The following RANBP2 variants were observed in gnomAD, a reference collection of about 807,000 sequenced individuals.
RANBP2 encodes the protein E3 SUMO-protein ligase RanBP2.
RANBP2 carries 57 observed loss-of-function variants against 303.6 expected under a neutral mutation model. That is an observed-to-expected ratio of 0.19 (90% CI 0.15 to 0.23). The LOEUF (loss-of-function observed/expected upper bound fraction) is 0.23. Ranked by LOEUF, RANBP2 falls within the 10% of genes least tolerant of loss-of-function variation. The pLI is 1.00. For missense variants in RANBP2, 3,138 were observed against 3,780.8 expected, an observed-to-expected ratio of 0.83 and a Z score of 4.46; for synonymous variants, 1,167 against 1,301.5, an observed-to-expected ratio of 0.90 and a Z score of 2.23.
chr2:109,261,021 G>A, the RANBP2 span, among the ~76,000 whole-genome samples: 1 of 152,182 alleles, frequency 6.6e-6, no homozygotes, highest in Non-Finnish European at 1.5e-5. Context: ...CCTTTAGAGG[G>A]CACTGTGTCT....
At chr2:109,353,603 C>T in the RANBP2 span, among the ~76,000 whole-genome samples, 5 of 152,246 alleles carry the variant, frequency 3.3e-5, no homozygotes, top group South Asian at 1.0e-3. Flanking sequence ...GCTGGCAGGC[C>T]TGCTGGGTGA....
At chr2:108,951,613 C>T in the RANBP2 span, among the ~76,000 whole-genome samples, 1 of 152,236 alleles carries the variant, frequency 6.6e-6, no homozygotes, top group East Asian at 1.9e-4. Flanking sequence ...ATATGGTTTA[C>T]AGGGAAGGGC....
chr2:109,401,974 C>A, the RANBP2 span, among the ~76,000 whole-genome samples: 1 of 152,214 alleles, frequency 6.6e-6, no homozygotes, highest in South Asian at 2.1e-4. Flanking sequence ...CATGGCCAGG[C>A]TACTGACTTT....
At chr2:109,012,723 G>A in the RANBP2 span, among the ~76,000 whole-genome samples, 1 of 152,168 alleles carries the variant, frequency 6.6e-6, no homozygotes, top group African/African-American at 2.4e-5. Context: ...GACCATCCTG[G>A]CCAACACGGT....
the RANBP2 span, among the ~76,000 whole-genome samples, chr2:109,183,115 A>T: frequency 6.6e-6 from 1 of 152,238 alleles, no homozygotes; most frequent in African/African-American, 2.4e-5. Flanking sequence ...AGAAATCTTT[A>T]GAAGATTGTG....
the RANBP2 span, among the ~76,000 whole-genome samples, chr2:109,608,704 G>A: frequency 2.6e-5 from 4 of 151,822 alleles, no homozygotes; most frequent in South Asian, 2.1e-4. Context: ...TTTTACTTTC[G>A]TCATTATGAC....
chr2:109,230,691 G>A, the RANBP2 span, among the ~76,000 whole-genome samples: 351 of 152,290 alleles, frequency 2.3e-3, 3 homozygotes, highest in African/African-American at 6.9e-3. Context: ...ATCGTAAGTC[G>A]GGGATCATCA....
the RANBP2 span, among the ~76,000 whole-genome samples, chr2:109,641,313 T>C: frequency 6.6e-6 from 1 of 152,076 alleles, no homozygotes; most frequent in East Asian, 1.9e-4. Context: ...CATAGCAGCA[T>C]TATTATTCGC....
the RANBP2 span, among the ~76,000 whole-genome samples, chr2:109,554,651 C>T: frequency 2.0e-5 from 3 of 152,140 alleles, no homozygotes; most frequent in Non-Finnish European, 4.4e-5. Flanking sequence ...CAGTGGCCAT[C>T]GCCGGGAATC....
At chr2:109,249,819 G>A in the RANBP2 span, among the ~76,000 whole-genome samples, 1 of 151,412 alleles carries the variant, frequency 6.6e-6, no homozygotes, top group Non-Finnish European at 1.5e-5. Flanking sequence ...ACCGCGCCCG[G>A]CTAATTTTTT....
chr2:109,708,188 T>C, the RANBP2 span, among the ~76,000 whole-genome samples: 9 of 152,220 alleles, frequency 5.9e-5, no homozygotes, highest in Middle Eastern at 3.4e-3. Flanking sequence ...CAAAACCCCA[T>C]CTCTACAAAA....
the RANBP2 span, among the ~76,000 whole-genome samples, chr2:108,822,976 A>G: frequency 2.0e-5 from 3 of 152,202 alleles, no homozygotes; most frequent in East Asian, 5.8e-4. Context: ...CTTGCAAGCA[A>G]TGCCACAGAA....
the RANBP2 span, among the ~76,000 whole-genome samples, chr2:109,227,735 A>AG: frequency 8.5e-5 from 13 of 152,342 alleles, no homozygotes; most frequent in African/African-American, 3.1e-4. Flanking sequence ...AATCTTGTGC[A>AG]GTCCTTTCGG....
At chr2:109,168,572 C>T in the RANBP2 span, among the ~76,000 whole-genome samples, 6 of 152,312 alleles carry the variant, frequency 3.9e-5, no homozygotes, top group African/African-American at 7.2e-5. Flanking sequence ...TTCTAATCTT[C>T]GGACTGTAAT....
the RANBP2 span, among the ~76,000 whole-genome samples, chr2:108,889,324 T>C: frequency 6.6e-6 from 1 of 152,174 alleles, no homozygotes; most frequent in East Asian, 1.9e-4. Flanking sequence ...CTCTAAAGTT[T>C]AGTTTAAATC....
the RANBP2 span, among the ~76,000 whole-genome samples, chr2:109,579,369 G>A: frequency 1.3e-5 from 2 of 149,280 alleles, no homozygotes; most frequent in African/African-American, 4.9e-5. Flanking sequence ...CTCTGATCTT[G>A]TAACTCCAGG....
the RANBP2 span, among the ~76,000 whole-genome samples, chr2:108,937,783 A>G: frequency 1.3e-5 from 2 of 152,064 alleles, no homozygotes; most frequent in Non-Finnish European, 2.9e-5. Context: ...ATGTGTGTGT[A>G]TGTGGCAAAC....
At chr2:109,158,775 T>C in the RANBP2 span, among the ~76,000 whole-genome samples, 1 of 152,212 alleles carries the variant, frequency 6.6e-6, no homozygotes, top group Non-Finnish European at 1.5e-5. Context: ...TCAAAGCAAG[T>C]AGCAATGGCT....
At chr2:109,251,566 G>C in the RANBP2 span, 4 of 813,270 alleles carry the variant, frequency 4.9e-6, no homozygotes, top group Non-Finnish European at 8.8e-6. Context: ...TGTGGAGATG[G>C]CGACTGGTGG....
Sources: allele counts gnomAD v4.1 joint callset (sites outside exome capture counted in the v4.1 genomes callset), GRCh38; gene constraint gnomAD v4.1.1; transcripts MANE v1.5; gene names NCBI Gene and HGNC (gene_info 2026-07-23, HGNC 2026-07-21).